The following DIDO1 variants were observed in gnomAD, a reference collection of about 807,000 sequenced individuals.
The protein encoded by DIDO1 is death-inducer obliterator 1.
A neutral mutation model predicts 99.4 loss-of-function variants in DIDO1; 16 were observed. The observed-to-expected ratio is 0.16, with a 90% CI of 0.11 to 0.24. The LOEUF (loss-of-function observed/expected upper bound fraction) is 0.24. Ranked by LOEUF, DIDO1 falls within the 10% of genes least tolerant of loss-of-function variation. The pLI is 1.00. For missense variants in DIDO1, 2,996 were observed against 3,014.0 expected, an observed-to-expected ratio of 0.99 and a Z score of 0.14; for synonymous variants, 1,366 against 1,239.1, an observed-to-expected ratio of 1.10 and a Z score of -2.15.
chr20:62,924,247 G>C (rs534428682), intron 1 of DIDO1, among the ~76,000 whole-genome samples: 1 of 149,972 alleles, frequency 6.7e-6, no homozygotes, highest in Admixed American at 6.7e-5. Context: ...TCTGTTTAGA[G>C]AGAATTTTCT....
chr20:62,879,733 C>T lies in DIDO1; in HGVS notation c.6223G>A (p.Gly2075Ser). 6.2e-7 allele frequency: 1 copy of T among 1,611,722 alleles called. No individual in the cohort carries two copies. Among genetic ancestry groups the T allele is most frequent in the Non-Finnish European group, 8.5e-7 (1 of 1,179,818 alleles). Reference protein sequence around the residue: ...WASADFREGKGHEYRNQTFEG... With the variant: ...WASADFREGKSHEYRNQTFEG... The stretch of plus-strand genomic sequence containing the variant: ...AAAGTCTGGTTTCTGTATTCGTGGC[C>T]TTTCCCCTCTCGGAAGTCGGCCGAT... The change falls in exon 16 of 16, where the codon GGC becomes AGC. Residue 2075 changes from glycine (G) to serine (S), a missense_variant. Gly to Ser is a moderately conservative substitution (Grantham distance 56). Coordinates refer to ENST00000395343, the MANE Select transcript of DIDO1 (RefSeq NM_001193369.2). The surrounding 1 kb of genome is among the most constrained non-coding windows in gnomAD (Gnocchi z 6.3).
upstream of DIDO1, chr20:62,926,631 C>G (rs1328000711): frequency 2.0e-5 from 3 of 152,154 alleles, no homozygotes; most frequent in African/African-American, 7.3e-5. Flanking sequence ...ATGCGCCCGT[C>G]TTTCATACCT....
At chr20:62,936,977 C>G (rs2065394600) in intron 1 of DIDO1, among the ~76,000 whole-genome samples, 1 of 152,248 alleles carries the variant, frequency 6.6e-6, no homozygotes, top group Non-Finnish European at 1.5e-5. Context: ...TTGTCAAGAC[C>G]TTATACCTGC....
At position 62,909,865 on chromosome 20, in the gene DIDO1, G is replaced by A. The variant is rs373974477; in HGVS notation, c.995C>T (p.Thr332Met). 2.0e-5 allele frequency: 33 copies of A among 1,614,156 alleles called. No homozygotes were observed. The African/African-American group carries it at 2.7e-4, about 13-fold the overall frequency. ...CCATTTAGCTTCCTGCTGATCTGCC[G>A]TTTCTGAATGAGTCTCATCCTGCAC... ...LQVQDETHSE[T>M]ADQQEAKWRP... The change falls in exon 4 of 16, where the codon ACG (threonine) becomes ATG (methionine). Residue 332 changes from threonine to methionine, a missense_variant. Transcript: ENST00000395343.
At chr20:62,905,735 G>A in intron 6 of DIDO1, 152 bp downstream of exon 6, 1 of 1,606,798 alleles carries the variant, frequency 6.2e-7, no homozygotes. Flanking sequence ...GAGGCATCCT[G>A]GACATGGGCT....
chr20:62,895,118 A>G lies in DIDO1; in HGVS notation c.2262T>C (p.Leu754=). ...CAAGTTCTTCTGGCTTCAGTCTCAC[A>G]AGTTTCGCCAAAGAGATTTCCTCAC... The part of the protein sequence containing the change: ...VLREEISLAK[L]VRLKPEELVS... The change falls in exon 9 of 16, where the codon CTT becomes CTC. Residue 754 remains leucine, a synonymous_variant. Coordinates refer to ENST00000395343, the MANE Select transcript of DIDO1 (RefSeq NM_001193369.2). 6.2e-7 allele frequency: 1 copy of G among 1,612,126 alleles called. No homozygotes were observed. The highest frequency in any genetic ancestry group is 2.2e-5 in the East Asian group (1 of 44,798).
chr20:62,879,683 AAACCGCTCTCTCTGCCTCCCTTCG>A lies in DIDO1; in HGVS notation c.6249_6272del (p.Glu2084_Phe2091del). ...GCGGCTTCTCTTTGGGCCCCACGTC[AAACCGCTCTCTCTGCCTCCCTTCG>A]AAAGTCTGGTTTCTGTATTCGTGGC... On this transcript the variant is annotated inframe_deletion, in exon 16 of 16. Transcript: ENST00000395343. This position sits in a 1 kb window ranked among gnomAD's most constrained non-coding sequence, Gnocchi z 6.3. 6.2e-7 allele frequency: 1 copy of A among 1,609,906 alleles called. No homozygotes were observed. Among genetic ancestry groups the A allele is most frequent in the Non-Finnish European group, 8.5e-7 (1 of 1,179,738 alleles).
chr20:62,936,402 A>G (rs554959218), intron 1 of DIDO1, among the ~76,000 whole-genome samples: 20 of 152,170 alleles, frequency 1.3e-4, no homozygotes, highest in African/African-American at 4.8e-4. Flanking sequence ...AAAATACAAA[A>G]TAAGTAGCCG....
At position 62,881,437 on chromosome 20, in the gene DIDO1, C is replaced by T. The variant is rs770490640; in HGVS notation, c.4519G>A (p.Val1507Ile). 1 of 1,609,102 alleles carries T rather than the reference C, an allele frequency of 6.2e-7. No homozygotes were observed. The highest frequency in any genetic ancestry group is 8.5e-7 in the Non-Finnish European group (1 of 1,179,988). Residue 1507 changes from valine to isoleucine, a missense_variant, in exon 16 of 16, where the codon GTC becomes ATC. Val to Ile is a conservative substitution (Grantham distance 29, BLOSUM62 3). This residue lies in a region of DIDO1 where 1,562 missense variants were observed against 1,412.6 expected (regional missense o/e 1.11). Transcript: ENST00000395343. This position sits in a 1 kb window ranked among gnomAD's most constrained non-coding sequence, Gnocchi z 8.3. ...EEALRQQRAA[V>I]GVSMAHFSVS... ...GAGAAGTGGGCCATGGAGACCCCGA[C>T]GGCGGCCCTCTGCTGCCTGAGAGCT... is the stretch of plus-strand genomic sequence containing the variant.
chr20:62,924,646 C>T (rs998835718), intron 1 of DIDO1, among the ~76,000 whole-genome samples: 1 of 152,216 alleles, frequency 6.6e-6, no homozygotes, highest in African/African-American at 2.4e-5. Context: ...CATGAAGAAA[C>T]CCCAGCACCC....
chr20:62,888,176 A>G (rs1033430715), intron 15 of DIDO1: 2 of 985,392 alleles, frequency 2.0e-6, no homozygotes, highest in Non-Finnish European at 1.2e-6. Context: ...TGAGGGGGCT[A>G]GGACTGGACA....
upstream of DIDO1, chr20:62,928,714 C>T (rs1282991652): frequency 6.6e-6 from 1 of 152,168 alleles, no homozygotes. Context: ...TAAATATCCC[C>T]AATTCACAAA....
Position 62,913,721 on chromosome 20 carries a change from AC to A in DIDO1, c.-3+488del, listed in dbSNP as rs201341416. Among the ~76,000 whole-genome samples the A allele has an allele frequency of 1.0e-2, 1,522 of 152,362 alleles. 14 individuals are homozygous for A. Among genetic ancestry groups the A allele is most frequent in the South Asian group, 0.024 (117 of 4,830 alleles). Reference sequence around the variant, plus strand: ...CGCACTAGCCTTTGCCCAGAAGGGCACAAAGTTGCAGTCGCCTCTGCCTCTG... The same window carrying A: ...CGCACTAGCCTTTGCCCAGAAGGGCAAAAGTTGCAGTCGCCTCTGCCTCTG... On this transcript the variant is annotated intron_variant, in intron 2 of 15. Transcript: ENST00000395343.
Position 62,909,711 on chromosome 20 carries a change from C to G in DIDO1, c.1149G>C (p.Lys383Asn). The G allele has an allele frequency of 6.2e-7, 1 of 1,613,294 alleles. No homozygotes were observed. Among genetic ancestry groups the G allele is most frequent in the Non-Finnish European group, 8.5e-7 (1 of 1,179,334 alleles). Residue 383 changes from lysine (K) to asparagine (N), a missense_variant, in exon 4 of 16, where the codon AAG (lysine) becomes AAC (asparagine). Physicochemically the swap from Lys to Asn is moderately conservative, Grantham distance 94. This residue lies in a region of DIDO1 where 898 missense variants were observed against 972.7 expected (regional missense o/e 0.92). Transcript: ENST00000395343. Reference protein sequence around the residue: ...AANPSGKKKLKIFQPVIEAPG... With the variant: ...AANPSGKKKLNIFQPVIEAPG... ...GACAAACACTTACAGGCTGGAAGAT[C>G]TTGAGTTTCTTCTTGCCACTTGGAT...
Position 62,893,741 on chromosome 20 carries a change from G to T in DIDO1, c.3026C>A (p.Pro1009His). 1 of 1,614,180 alleles carries T rather than the reference G, an allele frequency of 6.2e-7. No homozygotes were observed. The highest frequency in any genetic ancestry group is 8.5e-7 in the Non-Finnish European group (1 of 1,180,034). ...GGATGGCTTAGCTAGTATGGACTTG[G>T]GCACCATCACAGAAGTCAAGACAGG... The part of the protein sequence containing the change: ...PKPVLTSVMV[P>H]KSILAKPSSS... Residue 1009 changes from proline to histidine, a missense_variant, in exon 12 of 16, where the codon CCC becomes CAC. Transcript: ENST00000395343.
At chr20:62,927,423 T>C (rs910831), upstream of DIDO1, among the ~76,000 whole-genome samples, 27,162 of 152,130 alleles carry the variant, frequency 0.18, 2,655 homozygotes, top group East Asian at 0.28. Context: ...CACCTGTCTG[T>C]CCCCAGATAC....
At chr20:62,906,837 G>A (rs1029852085) in intron 5 of DIDO1, among the ~76,000 whole-genome samples, 1 of 152,156 alleles carries the variant, frequency 6.6e-6, no homozygotes, top group South Asian at 2.1e-4. Context: ...GCAAGTCTAC[G>A]CTCTACAAAC....
At chr20:62,929,695 G>GTATATATATATATATATATATATATA (rs71195479), upstream of DIDO1, among the ~76,000 whole-genome samples, 66 of 97,914 alleles carry the variant, frequency 6.7e-4, 2 homozygotes, top group African/African-American at 2.9e-3. Context: ...AAGAAAAAGT[G>GTATATATATATATATATATATATATA]TATATATATA....
Position 62,894,722 on chromosome 20 carries a change from G to A in DIDO1, c.2436+88C>T. ...ATGACATACACCTGCTGTAAGCTCA[G>A]GTCCTGCCCAATAATTTAAGATAAC... On this transcript the variant is annotated intron_variant, in intron 10 of 15. Transcript: ENST00000395343. The surrounding 1 kb of genome is among the most constrained non-coding windows in gnomAD (Gnocchi z 4.4). 6.9e-7 allele frequency: 1 copy of A among 1,456,870 alleles called. No homozygotes were observed. Among genetic ancestry groups the A allele is most frequent in the East Asian group, 2.3e-5 (1 of 43,780 alleles). 90.2% of individuals were successfully genotyped at this position (1,456,870 alleles called of 1,614,324 possible).
Sources: gnomAD v4.1 joint callset for allele counts (sites outside exome capture counted in the v4.1 genomes callset) on GRCh38, gnomAD v4.1.1 for gene constraint, gnomAD v4.1.1 regional missense constraint, Gnocchi (gnomAD v3.1) non-coding constraint, MANE v1.5 for transcripts, NCBI Gene and HGNC (gene_info 2026-07-23, HGNC 2026-07-21) for gene names.